The following ATG7 variants were observed in gnomAD, a reference collection of about 807,000 sequenced individuals.
ATG7 encodes ubiquitin-like modifier-activating enzyme ATG7.
In ATG7, 70 loss-of-function variants were observed where a neutral mutation model predicts 82.4. The observed-to-expected ratio is 0.85, with a 90% CI of 0.70 to 1.04. ATG7 has a LOEUF of 1.04. Among genes scored for constraint, ATG7 ranks in the 50% least tolerant of loss-of-function variants. The pLI is 0.00. For missense variants in ATG7, 792 were observed against 864.3 expected (o/e 0.92, Z 1.05); for synonymous variants, 287 against 313.0 (o/e 0.92, Z 0.88).
chr3:11,382,248 AAAAC>A (rs1295935978), intron 19 of ATG7, among the ~76,000 whole-genome samples: 12 of 152,242 alleles, frequency 7.9e-5, no homozygotes, highest in South Asian at 2.1e-4. Context: ...TTATTTATTA[AAAAC>A]AAACAAAGCA....
At chr3:11,336,680 A>T (rs997091240) in intron 11 of ATG7, among the ~76,000 whole-genome samples, 1 of 151,900 alleles carries the variant, frequency 6.6e-6, no homozygotes, top group Non-Finnish European at 1.5e-5. Flanking sequence ...ATTTTATTTT[A>T]TTTTTTGAGA....
At chr3:11,538,105 T>A (rs2070476230) in intron 20 of ATG7, among the ~76,000 whole-genome samples, 1 of 152,200 alleles carries the variant, frequency 6.6e-6, no homozygotes, top group Non-Finnish European at 1.5e-5. Context: ...TGACAGATGT[T>A]CCTGAGGGCC....
At chr3:11,435,068 A>G (rs565950611) in intron 20 of ATG7, among the ~76,000 whole-genome samples, 27 of 152,358 alleles carry the variant, frequency 1.8e-4, no homozygotes, top group South Asian at 4.1e-4. Flanking sequence ...TGATTCAAAT[A>G]TACCATGTAT....
intron 9 of ATG7, among the ~76,000 whole-genome samples, chr3:11,320,945 A>G (rs1210516047): frequency 1.3e-5 from 2 of 152,204 alleles, no homozygotes; most frequent in Non-Finnish European, 2.9e-5. Context: ...TTGTCTGTAC[A>G]CCTCAATTTA....
downstream of ATG7, among the ~76,000 whole-genome samples, chr3:11,560,351 C>T (rs556436041): frequency 6.6e-6 from 1 of 152,210 alleles, no homozygotes; most frequent in African/African-American, 2.4e-5. Flanking sequence ...TCTTCCAATA[C>T]CCCCGAGGAC....
At chr3:11,336,651 T>C (rs1952547503) in intron 11 of ATG7, among the ~76,000 whole-genome samples, 1 of 151,968 alleles carries the variant, frequency 6.6e-6, no homozygotes, top group Admixed American at 6.6e-5. Context: ...GTATAAGGAG[T>C]ATTATTTTAA....
At chr3:11,417,819 T>A (rs1446692644) in intron 19 of ATG7, among the ~76,000 whole-genome samples, 14 of 131,670 alleles carry the variant, frequency 1.1e-4, no homozygotes, top group Non-Finnish European at 1.9e-4. Context: ...TATTTTATTT[T>A]TTTTTTTTTT....
intron 20 of ATG7, among the ~76,000 whole-genome samples, chr3:11,554,387 C>T (rs1419538161): frequency 2.0e-5 from 3 of 152,180 alleles, no homozygotes; most frequent in Non-Finnish European, 4.4e-5. Context: ...CCTCCCAAGG[C>T]AGCACGTGCC....
At chr3:11,365,949 G>C (rs2076576866) in intron 18 of ATG7, among the ~76,000 whole-genome samples, 1 of 152,150 alleles carries the variant, frequency 6.6e-6, no homozygotes, top group Non-Finnish European at 1.5e-5. Flanking sequence ...GCCGGGCGCG[G>C]TGACTCATGC....
chr3:11,338,801 C>A (rs1005384782), intron 11 of ATG7, among the ~76,000 whole-genome samples: 5 of 152,200 alleles, frequency 3.3e-5, no homozygotes, highest in Non-Finnish European at 5.9e-5. Context: ...AACTAGCTTT[C>A]AAGGATAATT....
In ATG7 at chr3:11,390,094, G is replaced by A. The variant is rs183710157; in HGVS notation, c.1956+10042G>A. Among the ~76,000 whole-genome samples the A allele has an allele frequency of 5.3e-5, 8 of 152,262 alleles. No individual in the cohort carries two copies. In the East Asian group the frequency reaches 5.8e-4, roughly 11 times the overall value. ...TCATTGTTGTGTTGAAACCTCCTAC[G>A]TATCCCAAATGTGGAATGTGAGCTC... On this transcript the variant is annotated intron_variant, in intron 19 of 20. Coordinates refer to ENST00000693202, the MANE Select transcript of ATG7 (RefSeq NM_001349232.2).
intron 19 of ATG7, among the ~76,000 whole-genome samples, chr3:11,418,167 C>T (rs62245889): frequency 0.053 from 7,962 of 151,290 alleles, 508 homozygotes; most frequent in Admixed American, 0.18. Flanking sequence ...TGCAATCGTG[C>T]GATCTCAGCT....
intron 20 of ATG7, among the ~76,000 whole-genome samples, chr3:11,465,198 T>G (rs2086709357): frequency 6.6e-6 from 1 of 151,982 alleles, no homozygotes; most frequent in Non-Finnish European, 1.5e-5. Flanking sequence ...GGCTCACACC[T>G]GTAATCCCAG....
intron 5 of ATG7, among the ~76,000 whole-genome samples, chr3:11,300,278 G>A (rs1946587394): frequency 6.6e-6 from 1 of 152,074 alleles, no homozygotes; most frequent in African/African-American, 2.4e-5. Flanking sequence ...ATAAACATCT[G>A]TTCTTTGAGA....
rs188074823 is a variant in ATG7, at chr3:11,518,280, C to A, written c.2080-36531C>A. Among the ~76,000 whole-genome samples the A allele has an allele frequency of 2.6e-5, 4 of 152,272 alleles. No individual in the cohort carries two copies. The East Asian group carries it at 7.7e-4, about 29-fold the overall frequency. On this transcript the variant is annotated intron_variant, in intron 20 of 20. Coordinates refer to ENST00000693202, the MANE Select transcript of ATG7 (RefSeq NM_001349232.2). ...CCTGAGCCGAGGCTGGGCACAGTGG[C>A]TCACGCCTGTAATCCCAGGACTTTG...
intron 20 of ATG7, among the ~76,000 whole-genome samples, chr3:11,523,129 A>G (rs1294899359): frequency 6.6e-6 from 1 of 152,184 alleles, no homozygotes; most frequent in Non-Finnish European, 1.5e-5. Flanking sequence ...AGCCCAATCC[A>G]AGTCATCCCT....
intron 20 of ATG7, among the ~76,000 whole-genome samples, chr3:11,538,844 A>G (rs1195164595): frequency 6.8e-6 from 1 of 146,990 alleles, no homozygotes; most frequent in Non-Finnish European, 1.5e-5. Flanking sequence ...CACTGCACAC[A>G]TACTGGGCAA....
chr3:11,442,730 C>T (rs1365656691), intron 20 of ATG7, among the ~76,000 whole-genome samples: 4 of 84,624 alleles, frequency 4.7e-5, no homozygotes, highest in East Asian at 4.4e-4. Flanking sequence ...TAGTGAGACT[C>T]CATCTCTACA....
intron 11 of ATG7, among the ~76,000 whole-genome samples, chr3:11,339,009 T>C (rs1234403033): frequency 1.3e-5 from 2 of 152,014 alleles, no homozygotes; most frequent in African/African-American, 4.8e-5. Context: ...AGAAAACCAG[T>C]GTACAGGCCG....
Sources: gnomAD v4.1 joint callset for allele counts (sites outside exome capture counted in the v4.1 genomes callset) on GRCh38, gnomAD v4.1.1 for gene constraint, MANE v1.5 for transcripts, NCBI Gene and HGNC (gene_info 2026-07-23, HGNC 2026-07-21) for gene names.